The following TRDN variants were observed in gnomAD, a reference collection of about 807,000 sequenced individuals.
The protein encoded by TRDN is triadin in skeletal muscle.
TRDN carries 161 observed loss-of-function variants against 149.7 expected under a neutral mutation model. The ratio of observed to expected loss-of-function variants is 1.08; its 90% CI spans 0.95 to 1.23. The LOEUF is 1.23. Among genes scored for constraint, TRDN ranks in the 50% most tolerant of loss-of-function variants. TRDN has a pLI of 0.00. For missense variants in TRDN, 896 were observed against 823.5 expected, an observed-to-expected ratio of 1.09 and a Z score of -1.08; for synonymous variants, 294 against 250.5, an observed-to-expected ratio of 1.17 and a Z score of -1.64.
chr6:123,630,681 T>A (rs62419216), intron 1 of TRDN, among the ~76,000 whole-genome samples: 4 of 151,876 alleles, frequency 2.6e-5, no homozygotes, highest in Admixed American at 6.6e-5. Context: ...AGAAAAATAG[T>A]TCCTATTACA....
chr6:123,584,902 T>G (rs1409295407), intron 1 of TRDN, among the ~76,000 whole-genome samples: 1 of 152,036 alleles, frequency 6.6e-6, no homozygotes, highest in Admixed American at 6.6e-5. Flanking sequence ...TGAACTAACT[T>G]GTAAGGCTTG....
chr6:123,633,957 C>T (rs928071117), intron 1 of TRDN, among the ~76,000 whole-genome samples: 1 of 151,862 alleles, frequency 6.6e-6, no homozygotes, highest in Non-Finnish European at 1.5e-5. Context: ...CCTTGTCTTC[C>T]CAAAACTTGA....
chr6:123,445,057 C>G (rs1775227452), intron 10 of TRDN: 1 of 151,900 alleles, frequency 6.6e-6, no homozygotes, highest in Non-Finnish European at 1.5e-5. Context: ...GGAGGATTCC[C>G]TCTTTTTCTA....
chr6:123,582,929 T>C (rs1173048729), intron 1 of TRDN, among the ~76,000 whole-genome samples: 1 of 151,852 alleles, frequency 6.6e-6, no homozygotes, highest in Non-Finnish European at 1.5e-5. Context: ...TAAGGGGTGA[T>C]ATTGTGGGGT....
intron 1 of TRDN, among the ~76,000 whole-genome samples, chr6:123,574,751 C>T (rs1345052552): frequency 6.6e-6 from 1 of 150,628 alleles, no homozygotes; most frequent in Non-Finnish European, 1.5e-5. Flanking sequence ...GCTTTGTATA[C>T]CGAAACTCAA....
intron 1 of TRDN, among the ~76,000 whole-genome samples, chr6:123,611,165 G>A (rs1784791860): frequency 6.6e-6 from 1 of 152,138 alleles, no homozygotes; most frequent in African/African-American, 2.4e-5. Context: ...ATACTAAAAT[G>A]TGATTAGTAT....
At position 123,438,394 on chromosome 6, in the gene TRDN, T is replaced by C. The variant is rs6902527; in HGVS notation, c.992-272A>G. Among the ~76,000 whole-genome samples the C allele has an allele frequency of 9.5e-3, 1,439 of 152,216 alleles. 19 individuals carry two copies. Among genetic ancestry groups the C allele is most frequent in the African/African-American group, 0.033 (1,388 of 41,546 alleles). ...AAACATTAAATGGCATTATTAATTA[T>C]GGTATTATTTAACAGCTTTCCTAAC... On this transcript the variant is annotated intron_variant, in intron 11 of 40. Transcript: ENST00000334268.
chr6:123,328,440 TTATA>T (rs547487830), intron 23 of TRDN, among the ~76,000 whole-genome samples: 1 of 152,216 alleles, frequency 6.6e-6, no homozygotes, highest in South Asian at 2.1e-4. Context: ...GAATTTCAGG[TTATA>T]TTTCAGCCTG....
chr6:123,437,109 C>G (rs754686421), intron 12 of TRDN, among the ~76,000 whole-genome samples: 11 of 151,932 alleles, frequency 7.2e-5, no homozygotes, highest in African/African-American at 2.7e-4. Context: ...AAGCAAAAAT[C>G]GAAACTGTCA....
Position 123,381,223 on chromosome 6 carries a change from A to G in TRDN, c.1186+147T>C, listed in dbSNP as rs1781707833. The G allele has an allele frequency of 4.2e-6, 3 of 716,602 alleles. No homozygotes were observed. The East Asian group carries it at 8.4e-5, about 20-fold the overall frequency. 44.4% of individuals were successfully genotyped at this position (716,602 alleles called of 1,614,324 possible). On this transcript the variant is annotated intron_variant, in intron 16 of 40. Coordinates refer to ENST00000334268, the MANE Select transcript of TRDN (RefSeq NM_006073.4). ...GTCCACTCTAACCCCCAGACTGTGT[A>G]TTTTTTCACTTGGACAAAAAACAAC...
chr6:123,336,088 T>C (rs542908288), intron 22 of TRDN, among the ~76,000 whole-genome samples: 70 of 152,048 alleles, frequency 4.6e-4, no homozygotes, highest in African/African-American at 1.3e-3. Flanking sequence ...CTATTTTTCA[T>C]AGTGTATGTC....
At chr6:123,222,438 G>A (rs926128382) in intron 39 of TRDN, among the ~76,000 whole-genome samples, 3 of 151,424 alleles carry the variant, frequency 2.0e-5, no homozygotes, top group Non-Finnish European at 4.4e-5. Flanking sequence ...AGTTTTAGAA[G>A]CACTGGTCTA....
Position 123,544,845 on chromosome 6 carries a change from A to G in TRDN, c.424+2495T>C, listed in dbSNP as rs565196896. 4.9e-4 allele frequency among the ~76,000 whole-genome samples: 75 copies of G among 152,156 alleles called. 1 individual carries two copies. The highest frequency in any genetic ancestry group is 1.3e-3 in the African/African-American group (53 of 41,572). On this transcript the variant is annotated intron_variant, in intron 4 of 40. Transcript: ENST00000334268. ...AAGCTATATTTATATATAACAACAGATTCCACAGGCTAGCAGAATCAAATA... is the reference window on the plus strand; with the variant it reads ...AAGCTATATTTATATATAACAACAGGTTCCACAGGCTAGCAGAATCAAATA...
At chr6:123,366,981 T>C (rs998140406) in intron 19 of TRDN, among the ~76,000 whole-genome samples, 1 of 152,190 alleles carries the variant, frequency 6.6e-6, no homozygotes, top group Non-Finnish European at 1.5e-5. Flanking sequence ...CTGTAAAAGA[T>C]TAGCTGTAAT....
chr6:123,501,059 G>GGT (rs1012891833), intron 8 of TRDN, among the ~76,000 whole-genome samples: 3 of 151,068 alleles, frequency 2.0e-5, no homozygotes, highest in South Asian at 2.1e-4. Flanking sequence ...TTATTTGATG[G>GGT]GTGTGTGTGT....
At chr6:123,271,891 A>T (rs927054749) in intron 29 of TRDN, among the ~76,000 whole-genome samples, 1 of 151,976 alleles carries the variant, frequency 6.6e-6, no homozygotes, top group African/African-American at 2.4e-5. Context: ...CATTTGATGT[A>T]CGCTCAGAGA....
Position 123,503,533 on chromosome 6 carries a change from A to G in TRDN, c.793+186T>C, listed in dbSNP as rs192139149. The G allele has an allele frequency of 3.3e-5, 47 of 1,422,240 alleles. No individual in the cohort carries two copies. The East Asian group carries it at 1.1e-3, about 34-fold the overall frequency. The allele number at this position is 1,422,240 out of a possible 1,614,324, so 88.1% of individuals were successfully genotyped here. On this transcript the variant is annotated intron_variant, in intron 8 of 40. Coordinates refer to ENST00000334268, the MANE Select transcript of TRDN (RefSeq NM_006073.4). ...CCCTTTAGATCTGTGAACACATTTT[A>G]GTATTTTTATAAATAAATATTAATT...
chr6:123,461,158 C>T (rs1306614733), intron 10 of TRDN, among the ~76,000 whole-genome samples: 2 of 152,036 alleles, frequency 1.3e-5, no homozygotes, highest in African/African-American at 4.8e-5. Context: ...ACTTTAGAGA[C>T]TATTTAAGTT....
chr6:123,534,776 A>G (rs1780437934), intron 4 of TRDN, among the ~76,000 whole-genome samples: 2 of 152,182 alleles, frequency 1.3e-5, no homozygotes, highest in African/African-American at 4.8e-5. Flanking sequence ...AAGATAGGTG[A>G]ATGTCTCCAC....
Sources: gnomAD v4.1 joint callset for allele counts (sites outside exome capture counted in the v4.1 genomes callset) on GRCh38, gnomAD v4.1.1 for gene constraint, MANE v1.5 for transcripts, NCBI Gene and HGNC (gene_info 2026-07-23, HGNC 2026-07-21) for gene names.